Variants in SPOCK3 observed in about 807,000 individuals in gnomAD.
The protein encoded by SPOCK3 is testican-3.
Under a neutral mutation model 56.6 loss-of-function variants are expected in SPOCK3, and 30 were observed. The observed-to-expected ratio is 0.53, with a 90% confidence interval of 0.40 to 0.72. The LOEUF (loss-of-function observed/expected upper bound fraction) is 0.72, where lower values mean the gene tolerates loss of function less well. SPOCK3 is among the 30% of genes least tolerant of loss of function. The pLI is 0.00. For synonymous variants in SPOCK3, 196 were observed against 183.3 expected, an observed-to-expected ratio of 1.07 and a Z score of -0.56; for missense variants, 527 against 530.0, an observed-to-expected ratio of 0.99 and a Z score of 0.06.
At chr4:166,736,947 C>T (rs551348519) in intron 10 of SPOCK3, among the ~76,000 whole-genome samples, 1 of 152,074 alleles carries the variant, frequency 6.6e-6, no homozygotes, top group South Asian at 2.1e-4. Flanking sequence ...GCTATAATTC[C>T]CTTTAAACAG....
intron 8 of SPOCK3, among the ~76,000 whole-genome samples, chr4:166,752,567 TATATATACACACACACAC>T (rs138434355): frequency 0.31 from 34,562 of 111,224 alleles, 4,329 homozygotes; most frequent in Admixed American, 0.4. Context: ...TATATATATA[TATATATACACACACACAC>T]ACACACACAC....
intron 6 of SPOCK3, among the ~76,000 whole-genome samples, chr4:166,841,337 A>C (rs1747289862): frequency 1.3e-5 from 2 of 152,240 alleles, no homozygotes; most frequent in South Asian, 4.1e-4. Flanking sequence ...TCACAGAATA[A>C]GAATAATAAG....
chr4:166,792,348 T>C (rs1042984019), intron 6 of SPOCK3, 59 bp from the exon 7 acceptor site: 2 of 1,571,238 alleles, frequency 1.3e-6, no homozygotes, highest in Admixed American at 1.7e-5. Flanking sequence ...GTTAGTGCTA[T>C]TTCTCTCATT....
intron 6 of SPOCK3, among the ~76,000 whole-genome samples, chr4:166,880,991 A>T (rs940658100): frequency 6.6e-6 from 1 of 152,138 alleles, no homozygotes; most frequent in African/African-American, 2.4e-5. Context: ...CATCTTTGTT[A>T]TATTATTCCC....
At chr4:167,062,426 C>T (rs887856665) in intron 3 of SPOCK3, 66 bp downstream of exon 3, 1 of 1,279,084 alleles carries the variant, frequency 7.8e-7, no homozygotes, top group Non-Finnish European at 1.1e-6. Context: ...CAGTAAATAT[C>T]ATTTCTAAAA....
intron 2 of SPOCK3, among the ~76,000 whole-genome samples, chr4:167,219,863 A>G (rs987832915): frequency 6.6e-6 from 1 of 152,084 alleles, no homozygotes; most frequent in South Asian, 2.1e-4. Context: ...CCAAAACAGA[A>G]CCCATGTTCA....
At chr4:166,911,728 G>A (rs1737297924) in intron 5 of SPOCK3, among the ~76,000 whole-genome samples, 1 of 151,842 alleles carries the variant, frequency 6.6e-6, no homozygotes, top group Admixed American at 6.6e-5. Context: ...AGTAGAGACG[G>A]GGTTTCACCA....
intron 8 of SPOCK3, among the ~76,000 whole-genome samples, chr4:166,746,946 T>C (rs1560813985): frequency 6.6e-6 from 1 of 152,010 alleles, no homozygotes; most frequent in Admixed American, 6.6e-5. Context: ...AGAAGTTGAA[T>C]CCCTGAATAG....
At chr4:166,913,687 T>C (rs1737527486) in intron 4 of SPOCK3, among the ~76,000 whole-genome samples, 1 of 152,124 alleles carries the variant, frequency 6.6e-6, no homozygotes, top group South Asian at 2.1e-4. Flanking sequence ...AAGACACATT[T>C]TAAGGGCTTT....
chr4:166,767,253 C>T (rs894309221), intron 7 of SPOCK3, among the ~76,000 whole-genome samples: 11 of 152,272 alleles, frequency 7.2e-5, no homozygotes, highest in South Asian at 2.1e-4. Context: ...TTTGCTCTTG[C>T]CTCTCTAGTT....
Position 167,066,710 on chromosome 4 carries a change from A to G in SPOCK3, c.190-4173T>C, listed in dbSNP as rs139783417. Among the ~76,000 whole-genome samples, 370 of 151,984 alleles carry G rather than the reference A, an allele frequency of 2.4e-3. 1 individual carries two copies. The highest frequency in any genetic ancestry group is 3.9e-3 in the Non-Finnish European group (267 of 67,898). On this transcript the variant is annotated intron_variant, in intron 2 of 10. Transcript: ENST00000357545. ...CTATGCTGTCATATGTCCATGCTCT[A>G]TGCCTTTATATTACTTATCATATTT...
Position 167,004,491 on chromosome 4 carries a change from T to C in SPOCK3, c.236-4028A>G, listed in dbSNP as rs144002483. On this transcript the variant is annotated intron_variant, in intron 3 of 10. Transcript: ENST00000357545. ...TTCCAGAGTTTTATCGTTTTGGTAA[T>C]GTCATGGCCTGGCATGATTTTAGCT... Among the ~76,000 whole-genome samples, 359 of 152,284 alleles carry C rather than the reference T, an allele frequency of 2.4e-3. 3 individuals carry two copies. Among genetic ancestry groups the C allele is most frequent in the African/African-American group, 8.3e-3 (343 of 41,550 alleles).
At chr4:166,969,330 G>A (rs1745112214) in intron 4 of SPOCK3, among the ~76,000 whole-genome samples, 1 of 152,068 alleles carries the variant, frequency 6.6e-6, no homozygotes. Context: ...GCCAGTGATG[G>A]AATGATACAC....
At chr4:167,234,210 G>A (rs1191276462) in intron 1 of SPOCK3, 37 bp from the exon 2 acceptor site, 3 of 1,605,710 alleles carry the variant, frequency 1.9e-6, no homozygotes, top group Middle Eastern at 1.7e-4. Context: ...GGGGGGGCAT[G>A]TCAGTGTCAA....
intron 4 of SPOCK3, 23 bp from the exon 5 acceptor site, chr4:166,912,766 A>G: frequency 1.9e-6 from 3 of 1,571,622 alleles, no homozygotes; most frequent in Non-Finnish European, 2.6e-6. Context: ...TAAAGCAAGC[A>G]TATTGAGCAT....
chr4:167,064,049 C>T (rs1346600950), intron 2 of SPOCK3, among the ~76,000 whole-genome samples: 2 of 151,850 alleles, frequency 1.3e-5, no homozygotes, highest in East Asian at 3.9e-4. Flanking sequence ...AGTGTCTCCA[C>T]TGTATAAGGA....
intron 9 of SPOCK3, 105 bp from the exon 10 acceptor site, chr4:166,737,709 A>C: frequency 8.0e-7 from 1 of 1,244,936 alleles, no homozygotes. Flanking sequence ...TTAAAGACTT[A>C]CACATATGGA....
chr4:166,973,518 C>T (rs781038143), intron 4 of SPOCK3, among the ~76,000 whole-genome samples: 6 of 151,920 alleles, frequency 3.9e-5, no homozygotes, highest in Non-Finnish European at 8.8e-5. Context: ...AGGTTATTGT[C>T]GCTGAAACCA....
At chr4:167,201,890 A>G (rs1419539542) in intron 2 of SPOCK3, among the ~76,000 whole-genome samples, 1 of 151,920 alleles carries the variant, frequency 6.6e-6, no homozygotes, top group African/African-American at 2.4e-5. Context: ...TGATTTATGT[A>G]TGACTTCTTT....
Sources: gnomAD v4.1 joint callset for allele counts (sites outside exome capture counted in the v4.1 genomes callset) on GRCh38, gnomAD v4.1.1 for gene constraint, MANE v1.5 for transcripts, NCBI Gene and HGNC (gene_info 2026-07-23, HGNC 2026-07-21) for gene names.